LMX1A: variants seen among roughly 807,000 people sequenced by gnomAD.
LMX1A encodes the protein LIM homeobox transcription factor 1 alpha.
Under a neutral mutation model 49.1 loss-of-function variants are expected in LMX1A, and 15 were observed. The ratio of observed to expected loss-of-function variants is 0.31; its 90% confidence interval spans 0.20 to 0.47. LMX1A has a LOEUF of 0.47. LMX1A is among the 20% of genes least tolerant of loss of function. The probability of loss-of-function intolerance (pLI) is 1.00; values close to 1 mark genes in which losing one functional copy is unlikely to be tolerated. For synonymous variants in LMX1A, 167 were observed against 185.7 expected (o/e 0.90, Z 0.82); for missense variants, 372 against 475.8 (o/e 0.78, Z 2.03).
chr1:165,318,524 G>A lies in LMX1A; in HGVS notation c.263+34552C>T, dbSNP rs191136380. ...CATTTGCTCGTAAGCTGTGGTAGATGCTGTGGATTGGTTAACCCAGCTCAC... is the reference window on the plus strand; with the variant it reads ...CATTTGCTCGTAAGCTGTGGTAGATACTGTGGATTGGTTAACCCAGCTCAC... On this transcript the variant is annotated intron_variant, in intron 3 of 8. Transcript: ENST00000342310. Among the ~76,000 whole-genome samples the A allele has an allele frequency of 7.9e-5, 12 of 152,240 alleles. No homozygotes were observed. The South Asian group carries it at 2.1e-3, about 26-fold the overall frequency.
rs558467541 is a variant in LMX1A, at chr1:165,313,601, T to G, written c.263+39475A>C. On this transcript the variant is annotated intron_variant, in intron 3 of 8. Transcript: ENST00000342310. ...CAAAAAATGGTATGGAATCCCAGGC[T>G]GGAAACTTCAGGGAGCTATTGCCAG... Among the ~76,000 whole-genome samples, 7 of 151,642 alleles carry G rather than the reference T, an allele frequency of 4.6e-5. No homozygotes were observed. In the East Asian group the frequency reaches 1.4e-3, roughly 30 times the overall value.
intron 3 of LMX1A, among the ~76,000 whole-genome samples, chr1:165,289,252 A>G (rs2101713390): frequency 1.3e-5 from 2 of 152,208 alleles, no homozygotes; most frequent in South Asian, 4.1e-4. Flanking sequence ...TAAAAAAAAA[A>G]AAAGAGAGAG....
At chr1:165,247,465 C>T (rs572935937) in intron 4 of LMX1A, among the ~76,000 whole-genome samples, 1 of 152,246 alleles carries the variant, frequency 6.6e-6, no homozygotes, top group South Asian at 2.1e-4. Context: ...CCAACTACCC[C>T]TGAAGAAGAT....
At chr1:165,333,703 T>C (rs780921303) in intron 3 of LMX1A, among the ~76,000 whole-genome samples, 29 of 152,280 alleles carry the variant, frequency 1.9e-4, no homozygotes, top group Non-Finnish European at 3.4e-4. Flanking sequence ...TACTTTATAG[T>C]TCTTGAAGCC....
In LMX1A at chr1:165,264,828, G is replaced by A. The variant is rs548647473; in HGVS notation, c.264-15188C>T. 3.9e-5 allele frequency among the ~76,000 whole-genome samples: 6 copies of A among 152,060 alleles called. No individual in the cohort carries two copies. The South Asian group carries it at 1.3e-3, about 32-fold the overall frequency. On this transcript the variant is annotated intron_variant, in intron 3 of 8. Transcript: ENST00000342310. ...TAAAAATTAGGGGAGGATTACTTGA[G>A]CCCAGGAGGTCGAGGCTGCAGTGAG...
intron 3 of LMX1A, among the ~76,000 whole-genome samples, chr1:165,292,718 C>T (rs1654508915): frequency 6.8e-6 from 1 of 147,124 alleles, no homozygotes; most frequent in Non-Finnish European, 1.5e-5. Context: ...GAACAGGACC[C>T]AGGGAATTGG....
chr1:165,256,061 C>A (rs1249668665), intron 3 of LMX1A, among the ~76,000 whole-genome samples: 1 of 152,176 alleles, frequency 6.6e-6, no homozygotes, highest in Non-Finnish European at 1.5e-5. Context: ...ATGGGCATGA[C>A]TGCATCTCCA....
At chr1:165,226,139 A>G (rs1557855346) in intron 4 of LMX1A, among the ~76,000 whole-genome samples, 1 of 152,176 alleles carries the variant, frequency 6.6e-6, no homozygotes, top group Non-Finnish European at 1.5e-5. Flanking sequence ...CTTGTTGTGC[A>G]TCATTGGGAA....
chr1:165,344,930 T>A (rs1656187039), intron 3 of LMX1A, among the ~76,000 whole-genome samples: 1 of 152,210 alleles, frequency 6.6e-6, no homozygotes, highest in Admixed American at 6.5e-5. Context: ...CAAGCTGGCA[T>A]CAGCTCCGAC....
chr1:165,277,293 C>T (rs983947021), intron 3 of LMX1A, among the ~76,000 whole-genome samples: 3 of 152,152 alleles, frequency 2.0e-5, no homozygotes, highest in Non-Finnish European at 4.4e-5. Context: ...GGCATGTCCA[C>T]TCGATGAAGT....
intron 3 of LMX1A, among the ~76,000 whole-genome samples, chr1:165,272,909 T>C (rs956694513): frequency 1.3e-5 from 2 of 152,136 alleles, no homozygotes; most frequent in Admixed American, 1.3e-4. Flanking sequence ...TAGATCTCCA[T>C]GAACATTCTT....
chr1:165,354,268 G>T (rs1251489202), intron 2 of LMX1A, among the ~76,000 whole-genome samples: 7 of 152,104 alleles, frequency 4.6e-5, no homozygotes, highest in African/African-American at 1.7e-4. Context: ...CCGGCCACCG[G>T]CTCGGGAGCT....
At chr1:165,215,896 C>T (rs973510022) in intron 4 of LMX1A, 1 of 152,322 alleles carries the variant, frequency 6.6e-6, no homozygotes, top group Middle Eastern at 3.4e-3. Flanking sequence ...ATAAATACCA[C>T]ACAGTGGGTG....
intron 5 of LMX1A, among the ~76,000 whole-genome samples, chr1:165,212,220 C>G (rs949032420): frequency 6.6e-6 from 1 of 152,174 alleles, no homozygotes; most frequent in African/African-American, 2.4e-5. Context: ...TGGGTGTGTG[C>G]TTCACCACTG....
chr1:165,272,740 T>G (rs1653836583), intron 3 of LMX1A, among the ~76,000 whole-genome samples: 1 of 151,682 alleles, frequency 6.6e-6, no homozygotes, highest in African/African-American at 2.4e-5. Context: ...CCCAGAGCAG[T>G]CAGGGTGGTT....
intron 3 of LMX1A, 85 bp from the exon 4 acceptor site, chr1:165,249,725 G>A (rs1652987475): frequency 8.2e-6 from 7 of 854,200 alleles, no homozygotes; most frequent in Non-Finnish European, 1.3e-5. Flanking sequence ...ACAGCAAAAG[G>A]AACTTCAAGA....
intron 3 of LMX1A, among the ~76,000 whole-genome samples, chr1:165,304,346 A>T (rs1331511707): frequency 6.6e-6 from 1 of 152,104 alleles, no homozygotes; most frequent in Non-Finnish European, 1.5e-5. Flanking sequence ...AGAAAAAGGA[A>T]CTCAATAACC....
chr1:165,337,663 T>C (rs1466500659), intron 3 of LMX1A, among the ~76,000 whole-genome samples: 1 of 152,136 alleles, frequency 6.6e-6, no homozygotes, highest in East Asian at 1.9e-4. Context: ...CTGATGTCCT[T>C]GGATTTTAAA....
At chr1:165,293,973 A>G (rs1249583111) in intron 3 of LMX1A, among the ~76,000 whole-genome samples, 2 of 152,188 alleles carry the variant, frequency 1.3e-5, no homozygotes, top group Non-Finnish European at 2.9e-5. Flanking sequence ...AAAGTACCAT[A>G]TAAGAGTTTT....
Sources: allele counts gnomAD v4.1 joint callset (sites outside exome capture counted in the v4.1 genomes callset), GRCh38; gene constraint gnomAD v4.1.1; transcripts MANE v1.5; gene names NCBI Gene and HGNC (gene_info 2026-07-23, HGNC 2026-07-21).